Variants in AFG2A observed in about 807,000 individuals in gnomAD.
AFG2A encodes AAA ATPase AFG2A, also known as ATPase family gene 2 protein homolog A.
the AFG2A span, among the ~76,000 whole-genome samples, chr4:123,119,640 A>T: frequency 6.6e-6 from 1 of 152,214 alleles, no homozygotes; most frequent in African/African-American, 2.4e-5. Flanking sequence ...ATGTGCTGCA[A>T]CTTACAGAGC....
At chr4:123,027,968 A>ATT in the AFG2A span, among the ~76,000 whole-genome samples, 140 of 147,974 alleles carry the variant, frequency 9.5e-4, no homozygotes, top group South Asian at 1.5e-3. Flanking sequence ...TACAAGCAGA[A>ATT]TTTTTTTTTT....
chr4:123,172,761 A>G, the AFG2A span, among the ~76,000 whole-genome samples: 1 of 151,982 alleles, frequency 6.6e-6, no homozygotes, highest in Admixed American at 6.5e-5. Flanking sequence ...TTGGTTTACA[A>G]TACTGGGACT....
chr4:123,137,737 G>C, the AFG2A span, among the ~76,000 whole-genome samples: 1 of 151,972 alleles, frequency 6.6e-6, no homozygotes, highest in Non-Finnish European at 1.5e-5. Flanking sequence ...TTTGCTGTTT[G>C]CTTCCGTTTT....
chr4:123,311,276 C>T, the AFG2A span, among the ~76,000 whole-genome samples: 4 of 152,062 alleles, frequency 2.6e-5, no homozygotes, highest in Non-Finnish European at 4.4e-5. Context: ...TCACTAAAGC[C>T]GCTTTGTCAT....
chr4:123,090,020 C>T, the AFG2A span, among the ~76,000 whole-genome samples: 2 of 152,172 alleles, frequency 1.3e-5, no homozygotes, highest in Non-Finnish European at 2.9e-5. Flanking sequence ...AGCCTGCTTT[C>T]TTTGCCTGTT....
chr4:123,161,497 A>G, the AFG2A span, among the ~76,000 whole-genome samples: 1 of 152,166 alleles, frequency 6.6e-6, no homozygotes, highest in Admixed American at 6.5e-5. Context: ...CCATATGGAA[A>G]TAATACTCTA....
chr4:123,040,097 G>GT, the AFG2A span, among the ~76,000 whole-genome samples: 1,842 of 151,846 alleles, frequency 0.012, 41 homozygotes, highest in African/African-American at 0.041. Flanking sequence ...TTTGTATATT[G>GT]GTAAGAGTTT....
chr4:123,127,536 C>T, the AFG2A span, among the ~76,000 whole-genome samples: 121 of 151,988 alleles, frequency 8.0e-4, no homozygotes, highest in Non-Finnish European at 1.5e-3. Flanking sequence ...TGTTTAGCCA[C>T]GGAAGGTAAA....
chr4:123,068,751 G>A, the AFG2A span, among the ~76,000 whole-genome samples: 1 of 151,988 alleles, frequency 6.6e-6, no homozygotes, highest in African/African-American at 2.4e-5. Flanking sequence ...TTTGAATAAG[G>A]GAATAGAAAC....
the AFG2A span, among the ~76,000 whole-genome samples, chr4:123,266,670 T>C: frequency 2.6e-5 from 4 of 151,932 alleles, no homozygotes; most frequent in African/African-American, 9.7e-5. Flanking sequence ...ATGTATACTA[T>C]TTTTTACTTT....
At chr4:123,110,019 A>T in the AFG2A span, among the ~76,000 whole-genome samples, 1 of 151,218 alleles carries the variant, frequency 6.6e-6, no homozygotes, top group Non-Finnish European at 1.5e-5. Flanking sequence ...GAAAGTTAGT[A>T]TTTTCTGTTT....
chr4:123,176,831 C>G, the AFG2A span, among the ~76,000 whole-genome samples: 1 of 151,128 alleles, frequency 6.6e-6, no homozygotes, highest in South Asian at 2.1e-4. Flanking sequence ...ATTTACTACT[C>G]TTGCCTTGTG....
the AFG2A span, among the ~76,000 whole-genome samples, chr4:122,951,987 A>C: frequency 6.6e-6 from 1 of 152,188 alleles, no homozygotes; most frequent in Non-Finnish European, 1.5e-5. Context: ...CCTTTGTTGC[A>C]GGTATGTAAG....
chr4:123,024,085 G>C, the AFG2A span, among the ~76,000 whole-genome samples: 2 of 151,970 alleles, frequency 1.3e-5, no homozygotes, highest in Non-Finnish European at 2.9e-5. Flanking sequence ...GCAATGAAGT[G>C]GGCATTTAAG....
the AFG2A span, among the ~76,000 whole-genome samples, chr4:123,295,920 A>G: frequency 6.6e-6 from 1 of 152,250 alleles, no homozygotes; most frequent in Non-Finnish European, 1.5e-5. Flanking sequence ...ACAAAACAAA[A>G]AAAAGATAAA....
the AFG2A span, among the ~76,000 whole-genome samples, chr4:123,204,677 C>G: frequency 6.6e-6 from 1 of 152,148 alleles, no homozygotes; most frequent in African/African-American, 2.4e-5. Context: ...CAGTTCTTGC[C>G]TTACATGAGT....
At chr4:123,275,237 C>T in the AFG2A span, among the ~76,000 whole-genome samples, 1 of 152,094 alleles carries the variant, frequency 6.6e-6, no homozygotes, top group African/African-American at 2.4e-5. Context: ...TTTTGGGGGC[C>T]TGCAGAAACC....
At chr4:123,250,548 G>A in the AFG2A span, among the ~76,000 whole-genome samples, 11 of 152,208 alleles carry the variant, frequency 7.2e-5, no homozygotes, top group East Asian at 9.7e-4. Flanking sequence ...AGTATTTTTT[G>A]TATGTATAGT....
chr4:122,975,231 A>G, the AFG2A span, among the ~76,000 whole-genome samples: 1 of 152,160 alleles, frequency 6.6e-6, no homozygotes, highest in African/African-American at 2.4e-5. Context: ...CTTGAATGCC[A>G]TATTCTCTAA....
Sources: allele counts gnomAD v4.1 joint callset (sites outside exome capture counted in the v4.1 genomes callset), GRCh38; gene constraint gnomAD v4.1.1; transcripts MANE v1.5; gene names NCBI Gene and HGNC (gene_info 2026-07-23, HGNC 2026-07-21).